Variants in ADGRL2 observed in about 807,000 individuals in gnomAD.
ADGRL2 encodes the protein adhesion G protein-coupled receptor L2, also known as calcium-independent alpha-latrotoxin receptor 2.
Under a neutral mutation model 157.4 loss-of-function variants are expected in ADGRL2, and 44 were observed. The observed-to-expected ratio is 0.28, with a 90% CI of 0.22 to 0.36. The LOEUF (loss-of-function observed/expected upper bound fraction) is 0.36. Ranked by LOEUF, ADGRL2 falls within the 10% of genes least tolerant of loss-of-function variation. The pLI, the probability that ADGRL2 is intolerant of heterozygous loss-of-function variation, is 1.00. For synonymous variants in ADGRL2, 585 were observed against 624.7 expected (o/e 0.94, Z 0.95); for missense variants, 1,510 against 1,768.9 (o/e 0.85, Z 2.63).
At chr1:81,743,091 A>G (rs1373158946) in intron 1 of ADGRL2, among the ~76,000 whole-genome samples, 3 of 152,010 alleles carry the variant, frequency 2.0e-5, no homozygotes, top group African/African-American at 7.2e-5. Context: ...ACAAAACTGA[A>G]CAAATGAGTT....
chr1:81,504,741 A>C (rs1449685302), intron 2 of ADGRL2, among the ~76,000 whole-genome samples: 2 of 151,666 alleles, frequency 1.3e-5, no homozygotes, highest in Non-Finnish European at 2.9e-5. Flanking sequence ...TTTCTGCCAC[A>C]CCCCCACCCC....
intron 1 of ADGRL2, among the ~76,000 whole-genome samples, chr1:81,385,975 A>G (rs942086988): frequency 2.0e-5 from 3 of 152,132 alleles, no homozygotes; most frequent in African/African-American, 7.2e-5. Flanking sequence ...ATATGTCTCT[A>G]TAATTGTCTA....
At chr1:81,468,002 C>T (rs2078095870) in intron 2 of ADGRL2, among the ~76,000 whole-genome samples, 1 of 152,092 alleles carries the variant, frequency 6.6e-6, no homozygotes, top group South Asian at 2.1e-4. Flanking sequence ...ATATTCAGTT[C>T]CTTTCCTTAG....
At chr1:81,659,631 AT>A (rs148928570) in intron 3 of ADGRL2, among the ~76,000 whole-genome samples, 9,330 of 152,196 alleles carry the variant, frequency 0.061, 419 homozygotes, top group Non-Finnish European at 0.087. Context: ...ACACTAGAAC[AT>A]TGTCATATTG....
chr1:81,773,650 C>A (rs1038478930), intron 2 of ADGRL2, among the ~76,000 whole-genome samples: 1 of 152,146 alleles, frequency 6.6e-6, no homozygotes. Flanking sequence ...TCTTCTTGAG[C>A]GTTCACATGA....
intron 2 of ADGRL2, among the ~76,000 whole-genome samples, chr1:81,840,116 A>G (rs911470925): frequency 1.3e-5 from 2 of 151,640 alleles, no homozygotes; most frequent in African/African-American, 2.4e-5. Flanking sequence ...TGAAACCTTA[A>G]ATACTTGTTG....
At chr1:81,917,476 T>TA (rs2094883281) in intron 3 of ADGRL2, among the ~76,000 whole-genome samples, 1 of 152,180 alleles carries the variant, frequency 6.6e-6, no homozygotes, top group Admixed American at 6.6e-5. Context: ...TTAGAGGTAA[T>TA]ACATCTCTTG....
intron 1 of ADGRL2, among the ~76,000 whole-genome samples, chr1:81,802,621 T>TG (rs2088417544): frequency 6.6e-6 from 1 of 152,038 alleles, no homozygotes. Context: ...GTCCTTTCAC[T>TG]GGGGGCCTGG....
At chr1:81,620,035 A>G (rs1040219752) in intron 3 of ADGRL2, among the ~76,000 whole-genome samples, 55 of 152,210 alleles carry the variant, frequency 3.6e-4, no homozygotes, top group African/African-American at 1.3e-3. Context: ...GTACTTGATA[A>G]TAAACACTAG....
At chr1:81,841,289 A>G (rs994447025) in intron 2 of ADGRL2, among the ~76,000 whole-genome samples, 3 of 152,188 alleles carry the variant, frequency 2.0e-5, no homozygotes, top group Non-Finnish European at 4.4e-5. Flanking sequence ...AAGAAAATAT[A>G]ACAGTTGTAG....
At chr1:81,795,207 C>T (rs765724461) in intron 2 of ADGRL2, among the ~76,000 whole-genome samples, 18 of 151,848 alleles carry the variant, frequency 1.2e-4, no homozygotes, top group Non-Finnish European at 1.5e-4. Context: ...AGGGAGACCC[C>T]GTCTCTAGAA....
chr1:81,582,994 T>C (rs181271373), intron 3 of ADGRL2, among the ~76,000 whole-genome samples: 1 of 152,306 alleles, frequency 6.6e-6, no homozygotes, highest in East Asian at 1.9e-4. Flanking sequence ...GTTTTATTAA[T>C]GTATAAGAAC....
At chr1:81,306,957 A>G (rs1659380760) in intron 1 of ADGRL2, among the ~76,000 whole-genome samples, 1 of 152,218 alleles carries the variant, frequency 6.6e-6, no homozygotes, top group African/African-American at 2.4e-5. Flanking sequence ...AACAACAGCA[A>G]CAAAATAATA....
At chr1:81,807,972 C>G (rs1321429830) in intron 1 of ADGRL2, among the ~76,000 whole-genome samples, 3 of 149,620 alleles carry the variant, frequency 2.0e-5, no homozygotes, top group Non-Finnish European at 4.4e-5. Flanking sequence ...TATTTTTTTA[C>G]AAAAAACCTC....
At chr1:81,400,940 G>A (rs551564148) in intron 1 of ADGRL2, among the ~76,000 whole-genome samples, 13 of 152,276 alleles carry the variant, frequency 8.5e-5, no homozygotes, top group Admixed American at 5.9e-4. Flanking sequence ...AGGATGCATA[G>A]CTGTTCAGTT....
intron 2 of ADGRL2, among the ~76,000 whole-genome samples, chr1:81,875,206 T>C (rs1382989874): frequency 6.6e-6 from 1 of 152,142 alleles, no homozygotes; most frequent in Non-Finnish European, 1.5e-5. Context: ...TGTTTGCTAC[T>C]GTCAGAACAA....
chr1:81,874,690 G>GCTTCTCTTCT (rs988920859), intron 2 of ADGRL2, among the ~76,000 whole-genome samples: 1 of 146,010 alleles, frequency 6.8e-6, no homozygotes, highest in Non-Finnish European at 1.5e-5. Context: ...TTGCCTCTTC[G>GCTTCTCTTCT]CTTCTCTTCT....
chr1:81,476,358 G>C (rs1392234398), intron 2 of ADGRL2, among the ~76,000 whole-genome samples: 1 of 152,084 alleles, frequency 6.6e-6, no homozygotes, highest in Non-Finnish European at 1.5e-5. Flanking sequence ...TCTAAGTAAA[G>C]CAGCAAAAAT....
chr1:81,559,462 T>G (rs142501749), intron 2 of ADGRL2, among the ~76,000 whole-genome samples: 3,793 of 151,830 alleles, frequency 0.025, 76 homozygotes, highest in East Asian at 0.037. Flanking sequence ...TTTTTTTTTT[T>G]AATGTTCCTA....
Sources: gnomAD v4.1 joint callset for allele counts (sites outside exome capture counted in the v4.1 genomes callset) on GRCh38, gnomAD v4.1.1 for gene constraint, MANE v1.5 for transcripts, NCBI Gene and HGNC (gene_info 2026-07-23, HGNC 2026-07-21) for gene names.